The following TPMT variants were observed in gnomAD, a reference collection of about 807,000 sequenced individuals.
The protein encoded by TPMT is S-adenosyl-L-methionine:thiopurine S-methyltransferase.
TPMT carries 18 observed loss-of-function variants against 34.2 expected under a neutral mutation model. The observed-to-expected ratio is 0.53, with a 90% CI of 0.36 to 0.78. The LOEUF (loss-of-function observed/expected upper bound fraction) is 0.78. TPMT is among the 30% of genes least tolerant of loss of function. The pLI, the probability that TPMT is intolerant of heterozygous loss-of-function variation, is 0.00. For missense variants in TPMT, 265 were observed against 288.1 expected (o/e 0.92, Z 0.58); for synonymous variants, 69 against 92.4 (o/e 0.75, Z 1.45).
At chr6:18,141,190 G>A (rs1247310346) in intron 4 of TPMT, among the ~76,000 whole-genome samples, 5 of 152,026 alleles carry the variant, frequency 3.3e-5, no homozygotes, top group Admixed American at 3.3e-4. Flanking sequence ...GCCTGGGCGG[G>A]GAACTGCTGC....
Position 18,149,084 on chromosome 6 carries a change from T to G in TPMT, c.44A>C (p.Asp15Ala), listed in dbSNP as rs948295693. Residue 15 changes from aspartate (D) to alanine (A), a missense_variant, in exon 2 of 9, where the codon GAT (aspartate) becomes GCT (alanine). Physicochemically the swap from Asp to Ala is moderately radical, Grantham distance 126. Coordinates refer to ENST00000309983, the MANE Select transcript of TPMT (RefSeq NM_000367.5). The surrounding 1 kb of genome is among the most constrained non-coding windows in gnomAD (Gnocchi z 5.0). ...RTSLDIEEYS[D>A]TEVQKNQVLT... ...TACTTGGTTTTTCTGTACCTCAGTATCCGAGTACTCTTCAATGTCAAGTGA... is the reference window on the plus strand; with the variant it reads ...TACTTGGTTTTTCTGTACCTCAGTAGCCGAGTACTCTTCAATGTCAAGTGA... 4 of 1,614,010 alleles carry G rather than the reference T, an allele frequency of 2.5e-6. No individual in the cohort carries two copies. Among genetic ancestry groups the G allele is most frequent in the Non-Finnish European group, 3.4e-6 (4 of 1,180,024 alleles).
At position 18,138,427 on chromosome 6, in the gene TPMT, C is replaced by T. The variant is rs908074846; in HGVS notation, c.494+536G>A. ...GACTACAAGCACATACCACCACGGT[C>T]GGATAATTTTAAAAATATTTTGTAG... On this transcript the variant is annotated intron_variant, in intron 6 of 8. Coordinates refer to ENST00000309983, the MANE Select transcript of TPMT (RefSeq NM_000367.5). This position sits in a 1 kb window ranked among gnomAD's most constrained non-coding sequence, Gnocchi z 4.1. Among the ~76,000 whole-genome samples, 15 of 152,106 alleles carry T rather than the reference C, an allele frequency of 9.9e-5. No homozygotes were observed. The highest frequency in any genetic ancestry group is 3.4e-3 in the Middle Eastern group (1 of 294).
In TPMT at chr6:18,146,461, G is replaced by A. The variant is rs933520813; in HGVS notation, c.233+1362C>T. Among the ~76,000 whole-genome samples the A allele has an allele frequency of 1.3e-5, 2 of 152,118 alleles. No homozygotes were observed. The highest frequency in any genetic ancestry group is 2.9e-5 in the Non-Finnish European group (2 of 68,042). On this transcript the variant is annotated intron_variant, in intron 3 of 8. Coordinates refer to ENST00000309983, the MANE Select transcript of TPMT (RefSeq NM_000367.5). The surrounding 1 kb of genome is among the most constrained non-coding windows in gnomAD (Gnocchi z 6.2). ...GTGATCCGCTCACCTAATTAAAGGT[G>A]TGAGCCACCGCACCTGGCCAGTTCT...
rs745573167 is a variant in TPMT, at chr6:18,135,751, C to A, written c.495-1862G>T. Among the ~76,000 whole-genome samples the A allele has an allele frequency of 6.6e-6, 1 of 151,980 alleles. No homozygotes were observed. The highest frequency in any genetic ancestry group is 1.5e-5 in the Non-Finnish European group (1 of 68,012). On this transcript the variant is annotated intron_variant, in intron 6 of 8. Transcript: ENST00000309983. This position sits in a 1 kb window ranked among gnomAD's most constrained non-coding sequence, Gnocchi z 5.0. ...CTGGGTGTGGTGGCGCTACTGTAAT[C>A]CCAGCTACTCTGGAGGCTGAGGCAG... is the stretch of plus-strand genomic sequence containing the variant.
rs188681338 is a variant in TPMT at position 18,139,167 on chromosome 6, T to C, written c.420-130A>G. ...ATTAGGATCTCACGTCTGCGTTTCC[T>C]CCTAGAGGAATGTGTGGACCTGGGT... On this transcript the variant is annotated intron_variant, in intron 5 of 8. Coordinates refer to ENST00000309983, the MANE Select transcript of TPMT (RefSeq NM_000367.5). The surrounding 1 kb of genome is among the most constrained non-coding windows in gnomAD (Gnocchi z 4.2). 352 of 867,686 alleles carry C rather than the reference T, an allele frequency of 4.1e-4. No individual in the cohort carries two copies. The highest frequency in any genetic ancestry group is 6.3e-4 in the Middle Eastern group (2 of 3,190). The allele number at this position is 867,686 out of a possible 1,614,324, so 53.7% of individuals were successfully genotyped here. A position where few individuals can be genotyped will look rare whatever the true frequency, so the allele number is the denominator to read the frequency against.
rs934909379 is a variant in TPMT, at chr6:18,140,605, G to C, written c.367-888C>G. Among the ~76,000 whole-genome samples, 2 of 152,152 alleles carry C rather than the reference G, an allele frequency of 1.3e-5. No homozygotes were observed. Among genetic ancestry groups the C allele is most frequent in the African/African-American group, 4.8e-5 (2 of 41,444 alleles). On this transcript the variant is annotated intron_variant, in intron 4 of 8. Coordinates refer to ENST00000309983, the MANE Select transcript of TPMT (RefSeq NM_000367.5). This position sits in a 1 kb window ranked among gnomAD's most constrained non-coding sequence, Gnocchi z 4.7. ...AGGCTGACATGCGAGGGTCACTTGA[G>C]CCTGGGAGGTCAAGGCTGCAGTGAG...
Position 18,140,842 on chromosome 6 carries a change from A to G in TPMT, c.367-1125T>C, listed in dbSNP as rs1341821697. Reference sequence around the variant, plus strand: ...GGGGCAATATAACATAGACTTTAGGATCCTGGGAGCTGGGGTGAAGGGCAG... The same window carrying G: ...GGGGCAATATAACATAGACTTTAGGGTCCTGGGAGCTGGGGTGAAGGGCAG... On this transcript the variant is annotated intron_variant, in intron 4 of 8. Transcript: ENST00000309983. This position sits in a 1 kb window ranked among gnomAD's most constrained non-coding sequence, Gnocchi z 4.7. 1.3e-5 allele frequency among the ~76,000 whole-genome samples: 2 copies of G among 152,076 alleles called. No individual in the cohort carries two copies. The highest frequency in any genetic ancestry group is 2.9e-5 in the Non-Finnish European group (2 of 68,010).
Position 18,153,644 on chromosome 6 carries a change from A to G in TPMT, c.-45+1389T>C, listed in dbSNP as rs1355117415. 6.6e-6 allele frequency among the ~76,000 whole-genome samples: 1 copy of G among 152,238 alleles called. No individual in the cohort carries two copies. Among genetic ancestry groups the G allele is most frequent in the Non-Finnish European group, 1.5e-5 (1 of 68,044 alleles). On this transcript the variant is annotated intron_variant, in intron 1 of 8. Coordinates refer to ENST00000309983, the MANE Select transcript of TPMT (RefSeq NM_000367.5). The surrounding 1 kb of genome is among the most constrained non-coding windows in gnomAD (Gnocchi z 4.2). Reference sequence around the variant, plus strand: ...TATTTGTTGACAAATGGCTTCTGCAAGACCCTGATGGTATCAGGAGGTGAC... The same window carrying G: ...TATTTGTTGACAAATGGCTTCTGCAGGACCCTGATGGTATCAGGAGGTGAC...
rs189393332 is a variant in TPMT, at chr6:18,151,481, A to G, written c.-44-2310T>C. Among the ~76,000 whole-genome samples, 475 of 152,246 alleles carry G rather than the reference A, an allele frequency of 3.1e-3. 7 individuals carry two copies. Among genetic ancestry groups the G allele is most frequent in the Non-Finnish European group, 5.2e-3 (355 of 68,026 alleles). The stretch of plus-strand genomic sequence containing the variant: ...AGACCTTGTCTTAAGAAAAAAACAA[A>G]AAAAAGAATAGGTATAAAATGAATG... On this transcript the variant is annotated intron_variant, in intron 1 of 8. Coordinates refer to ENST00000309983, the MANE Select transcript of TPMT (RefSeq NM_000367.5).
Position 18,143,570 on chromosome 6 carries a change from A to G in TPMT, c.366+26T>C, listed in dbSNP as rs1392524525. ...AAAACTTTTGTGGGGATATGGATAC[A>G]ATTATTTACCCAAATCAAAACAAAC... is the stretch of plus-strand genomic sequence containing the variant. On this transcript the variant is annotated intron_variant, in intron 4 of 8. Coordinates refer to ENST00000309983, the MANE Select transcript of TPMT (RefSeq NM_000367.5). The surrounding 1 kb of genome is among the most constrained non-coding windows in gnomAD (Gnocchi z 6.1). 16 of 1,611,604 alleles carry G rather than the reference A, an allele frequency of 9.9e-6. No homozygotes were observed. Among genetic ancestry groups the G allele is most frequent in the Non-Finnish European group, 1.4e-5 (16 of 1,179,828 alleles).
At chr6:18,152,943 TTC>T (rs1229307611) in intron 1 of TPMT, among the ~76,000 whole-genome samples, 1 of 152,198 alleles carries the variant, frequency 6.6e-6, no homozygotes, top group African/African-American at 2.4e-5. Context: ...GTAAGGGTTT[TTC>T]TGTCCTCTGC....
chr6:18,137,491 A>G (rs1784063793), intron 6 of TPMT, among the ~76,000 whole-genome samples: 1 of 152,202 alleles, frequency 6.6e-6, no homozygotes, highest in Non-Finnish European at 1.5e-5. Flanking sequence ...CAATATTTCC[A>G]TGCTATATCC....
rs775698594 is a variant in TPMT at position 18,148,390 on chromosome 6, TATG to T, written c.141-478_141-476del. Among the ~76,000 whole-genome samples, 3 of 151,884 alleles carry T rather than the reference TATG, an allele frequency of 2.0e-5. No homozygotes were observed. The highest frequency in any genetic ancestry group is 4.2e-4 in the South Asian group (2 of 4,804). On this transcript the variant is annotated intron_variant, in intron 2 of 8. Transcript: ENST00000309983. This position sits in a 1 kb window ranked among gnomAD's most constrained non-coding sequence, Gnocchi z 4.1. The stretch of plus-strand genomic sequence containing the variant: ...GACAGAAATAACCCAGTGTTTCTGG[TATG>T]ATGATGATGATGATGATGATGTCAT...
At chr6:18,152,033 G>A (rs1192343498) in intron 1 of TPMT, among the ~76,000 whole-genome samples, 1 of 152,138 alleles carries the variant, frequency 6.6e-6, no homozygotes, top group East Asian at 1.9e-4. Context: ...TGCTGGTGTG[G>A]TGAGATGTAC....
At position 18,128,403 on chromosome 6, in the gene TPMT, C is replaced by T. The variant is rs1478435784; in HGVS notation, c.*2265G>A. ...TGAGATTTTAGGAAGTCAGTATTCC[C>T]CAGTGAAGACACATATTACATAAAT... On this transcript the variant is annotated 3_prime_UTR_variant, in exon 9 of 9. Coordinates refer to ENST00000309983, the MANE Select transcript of TPMT (RefSeq NM_000367.5). The surrounding 1 kb of genome is among the most constrained non-coding windows in gnomAD (Gnocchi z 4.6). The T allele has an allele frequency of 6.6e-6, 1 of 152,180 alleles. No individual in the cohort carries two copies. Among genetic ancestry groups the T allele is most frequent in the African/African-American group, 2.4e-5 (1 of 41,424 alleles). The allele number at this position is 152,180 out of a possible 1,614,324, so 9.4% of individuals were successfully genotyped here. A position where few individuals can be genotyped will look rare whatever the true frequency, so the allele number is the denominator to read the frequency against.
chr6:18,148,852 A>C lies in TPMT; in HGVS notation c.140+136T>G. On this transcript the variant is annotated intron_variant, in intron 2 of 8. Coordinates refer to ENST00000309983, the MANE Select transcript of TPMT (RefSeq NM_000367.5). The surrounding 1 kb of genome is among the most constrained non-coding windows in gnomAD (Gnocchi z 4.1). Reference sequence around the variant, plus strand: ...TACATCATGCCACAGATGCACTGTGACTCGGGAGACACAAAAATGTGAAGA... The same window carrying C: ...TACATCATGCCACAGATGCACTGTGCCTCGGGAGACACAAAAATGTGAAGA... 7.9e-7 allele frequency: 1 copy of C among 1,266,104 alleles called. No homozygotes were observed. The highest frequency in any genetic ancestry group is 1.8e-5 in the Admixed American group (1 of 56,938). 78.4% of individuals were successfully genotyped at this position (1,266,104 alleles called of 1,614,324 possible).
At position 18,135,087 on chromosome 6, in the gene TPMT, T is replaced by A. The variant is rs986660416; in HGVS notation, c.495-1198A>T. 6.6e-6 allele frequency among the ~76,000 whole-genome samples: 1 copy of A among 152,212 alleles called. No individual in the cohort carries two copies. The highest frequency in any genetic ancestry group is 1.5e-5 in the Non-Finnish European group (1 of 68,034). On this transcript the variant is annotated intron_variant, in intron 6 of 8. Transcript: ENST00000309983. The surrounding 1 kb of genome is among the most constrained non-coding windows in gnomAD (Gnocchi z 5.0). ...GTAAGCTTGACAAATTCTTAACCTT[T>A]CTGTACCTCAGTTTCCTCACCTGTA...
rs78425561 is a variant in TPMT at position 18,139,733 on chromosome 6, GAA to G, written c.367-18_367-17del. 1.3e-5 allele frequency: 19 copies of G among 1,430,018 alleles called. No homozygotes were observed. The highest frequency in any genetic ancestry group is 2.5e-5 in the South Asian group (2 of 80,714). The allele number at this position is 1,430,018 out of a possible 1,614,324, so 88.6% of individuals were successfully genotyped here. A position where few individuals can be genotyped will look rare whatever the true frequency, so the allele number is the denominator to read the frequency against. ...CCGAAGAACTCTGTAATGAAATAAT[GAA>G]AAAAAAATTTTTTTTTTTTACTTAG... On this transcript the variant is annotated splice_polypyrimidine_tract_variant and intron_variant, in intron 4 of 8. Coordinates refer to ENST00000309983, the MANE Select transcript of TPMT (RefSeq NM_000367.5). The surrounding 1 kb of genome is among the most constrained non-coding windows in gnomAD (Gnocchi z 4.2).
intron 1 of TPMT, among the ~76,000 whole-genome samples, chr6:18,151,578 ATT>A (rs1784355648): frequency 2.6e-5 from 1 of 38,100 alleles, no homozygotes; most frequent in African/African-American, 1.8e-4. Flanking sequence ...ACCTAGATTT[ATT>A]TATTTATTTA....
Sources: gnomAD v4.1 joint callset for allele counts (sites outside exome capture counted in the v4.1 genomes callset) on GRCh38, gnomAD v4.1.1 for gene constraint, Gnocchi (gnomAD v3.1) non-coding constraint, MANE v1.5 for transcripts, NCBI Gene and HGNC (gene_info 2026-07-23, HGNC 2026-07-21) for gene names.